The following AFTPH variants were observed in gnomAD, a reference collection of about 807,000 sequenced individuals.
AFTPH encodes the protein aftiphilin protein.
AFTPH carries 7 observed loss-of-function variants against 72.5 expected under a neutral mutation model. That is an observed-to-expected ratio of 0.10 (90% confidence interval 0.05 to 0.18). The LOEUF is 0.18. AFTPH is among the 10% of genes least tolerant of loss of function. AFTPH has a pLI of 1.00. For synonymous variants in AFTPH, 337 were observed against 370.1 expected (o/e 0.91, Z 1.03); for missense variants, 979 against 1,060.5 (o/e 0.92, Z 1.07).
At chr2:64,550,058 A>C (rs1398675876) in intron 1 of AFTPH, among the ~76,000 whole-genome samples, 1 of 152,108 alleles carries the variant, frequency 6.6e-6, no homozygotes, top group Non-Finnish European at 1.5e-5. Context: ...CAGCATTCAC[A>C]CTCCTGGGTT....
At chr2:64,524,371 C>CGGAGGAGGT (rs1032805317) in exon 1 of AFTPH, 6 of 402,410 alleles carry the variant, frequency 1.5e-5, no homozygotes, top group Admixed American at 4.4e-5. Context: ...GGGGTCTCCG[C>CGGAGGAGGT]GGAGGAGGTG....
chr2:64,561,797 T>G (rs1460752488), intron 2 of AFTPH, among the ~76,000 whole-genome samples: 1 of 152,264 alleles, frequency 6.6e-6, no homozygotes, highest in Non-Finnish European at 1.5e-5. Flanking sequence ...ACCTTCATAT[T>G]CAGAATGCAG....
At chr2:64,591,441 G>T (rs1346018612) in intron 8 of AFTPH, among the ~76,000 whole-genome samples, 1 of 152,242 alleles carries the variant, frequency 6.6e-6, no homozygotes, top group Non-Finnish European at 1.5e-5. Context: ...AAATGACTTA[G>T]TCTTTCCCTG....
At chr2:64,576,936 T>G (rs1032938764) in intron 6 of AFTPH, among the ~76,000 whole-genome samples, 12 of 152,172 alleles carry the variant, frequency 7.9e-5, no homozygotes, top group African/African-American at 2.9e-4. Context: ...TTTTTATATT[T>G]TTAGTAGAGA....
intron 8 of AFTPH, among the ~76,000 whole-genome samples, chr2:64,591,281 G>C (rs1266225743): frequency 6.6e-6 from 1 of 152,232 alleles, no homozygotes; most frequent in Non-Finnish European, 1.5e-5. Flanking sequence ...CGTCCTGCCT[G>C]TGTACGTGCA....
chr2:64,574,510 G>T (rs1314324994), intron 6 of AFTPH, among the ~76,000 whole-genome samples: 1 of 152,156 alleles, frequency 6.6e-6, no homozygotes, highest in Non-Finnish European at 1.5e-5. Context: ...GAGGGGAGTG[G>T]TAGCACCTGC....
At chr2:64,544,535 T>C (rs146308712) in intron 1 of AFTPH, among the ~76,000 whole-genome samples, 148 of 152,310 alleles carry the variant, frequency 9.7e-4, no homozygotes, top group African/African-American at 3.4e-3. Context: ...AAGAAACATT[T>C]GTTCTGTTTG....
chr2:64,583,316 TAA>T (rs11395165), intron 7 of AFTPH, among the ~76,000 whole-genome samples: 8 of 141,876 alleles, frequency 5.6e-5, no homozygotes, highest in Non-Finnish European at 3.1e-5. Context: ...AAGGCTCTGT[TAA>T]AAAAAAAAAA....
At chr2:64,545,126 G>C (rs1163876798) in intron 1 of AFTPH, among the ~76,000 whole-genome samples, 1 of 151,924 alleles carries the variant, frequency 6.6e-6, no homozygotes. Flanking sequence ...AAGAGTAAAA[G>C]TTTTGGAAAA....
At chr2:64,591,458 CT>C (rs1326915370) in intron 8 of AFTPH, among the ~76,000 whole-genome samples, 1 of 152,210 alleles carries the variant, frequency 6.6e-6, no homozygotes, top group African/African-American at 2.4e-5. Context: ...CCTGGGCACA[CT>C]TTGTTTCAGG....
chr2:64,591,989 C>A (rs765785758), exon 9 of AFTPH: 1 of 1,613,900 alleles, frequency 6.2e-7, no homozygotes, highest in South Asian at 1.1e-5. Context: ...ATGTTCCCAG[C>A]CACGTTAACA....
intron 7 of AFTPH, chr2:64,579,886 G>C (rs1673066361): frequency 5.1e-6 from 1 of 195,200 alleles, no homozygotes; most frequent in Admixed American, 5.8e-5. Flanking sequence ...TTAATTTTTG[G>C]AATTTTCTTG....
chr2:64,586,832 C>T (rs1296186089), intron 8 of AFTPH, among the ~76,000 whole-genome samples: 1 of 152,112 alleles, frequency 6.6e-6, no homozygotes, highest in African/African-American at 2.4e-5. Context: ...AATCGAAACT[C>T]CTCTCATAGA....
intron 5 of AFTPH, among the ~76,000 whole-genome samples, chr2:64,571,531 C>T (rs890459704): frequency 7.9e-5 from 12 of 152,122 alleles, no homozygotes; most frequent in African/African-American, 1.9e-4. Flanking sequence ...TCTAGCTGCT[C>T]GGTTAAAGCC....
chr2:64,562,916 A>G (rs891945855), intron 2 of AFTPH, among the ~76,000 whole-genome samples: 2 of 152,226 alleles, frequency 1.3e-5, no homozygotes, highest in South Asian at 2.1e-4. Flanking sequence ...CACTTCACCA[A>G]TTCTAAATAA....
chr2:64,548,189 C>A (rs1449592569), intron 1 of AFTPH, among the ~76,000 whole-genome samples: 1 of 144,734 alleles, frequency 6.9e-6, no homozygotes, highest in African/African-American at 2.5e-5. Flanking sequence ...GTCAGGAGAT[C>A]GAGACCATCC....
At chr2:64,543,939 G>A (rs1288939917) in intron 1 of AFTPH, among the ~76,000 whole-genome samples, 1 of 152,164 alleles carries the variant, frequency 6.6e-6, no homozygotes, top group Admixed American at 6.5e-5. Flanking sequence ...GATTAATACA[G>A]AATCACCTTC....
chr2:64,576,100 C>T lies in AFTPH; in HGVS notation c.2394+3032C>T, dbSNP rs1573026789. ...ACACACACACACACACACACACACACACACACACACACACACACGTGTGTC... is the reference window on the plus strand; with the variant it reads ...ACACACACACACACACACACACACATACACACACACACACACACGTGTGTC... On this transcript the variant is annotated intron_variant, in intron 6 of 8. Transcript: ENST00000238856. Among the ~76,000 whole-genome samples, 3 of 109,300 alleles carry T rather than the reference C, an allele frequency of 2.7e-5. No homozygotes were observed. In the South Asian group the frequency reaches 9.1e-4, roughly 33 times the overall value. The allele number at this position is 109,300 out of a possible 152,430, so 71.7% of individuals were successfully genotyped here.
intron 1 of AFTPH, among the ~76,000 whole-genome samples, chr2:64,539,543 T>G (rs1670094827): frequency 6.6e-6 from 1 of 152,182 alleles, no homozygotes; most frequent in Non-Finnish European, 1.5e-5. Context: ...CATAACTTAT[T>G]TGGTGAAGCA....
Sources: gnomAD v4.1 joint callset for allele counts (sites outside exome capture counted in the v4.1 genomes callset) on GRCh38, gnomAD v4.1.1 for gene constraint, MANE v1.5 for transcripts, NCBI Gene and HGNC (gene_info 2026-07-23, HGNC 2026-07-21) for gene names.